ABHD17C: variants seen among roughly 807,000 people sequenced by gnomAD.
The protein encoded by ABHD17C is abhydrolase domain containing 17C, depalmitoylase.
A neutral mutation model predicts 27.9 loss-of-function variants in ABHD17C; 11 were observed. That is an observed-to-expected ratio of 0.39 (90% CI 0.25 to 0.65). The LOEUF (loss-of-function observed/expected upper bound fraction) is 0.65, where lower values mean the gene tolerates loss of function less well. Among genes scored for constraint, ABHD17C ranks in the 30% least tolerant of loss-of-function variants. The probability of loss-of-function intolerance (pLI) is 0.45; values close to 1 mark genes in which losing one functional copy is unlikely to be tolerated. For missense variants in ABHD17C, 280 were observed against 470.2 expected (o/e 0.60, Z 3.74); for synonymous variants, 233 against 209.1 (o/e 1.11, Z -0.98).
intron 1 of ABHD17C, among the ~76,000 whole-genome samples, chr15:80,743,627 G>C (rs534016737): frequency 4.6e-4 from 70 of 152,208 alleles, no homozygotes; most frequent in African/African-American, 1.7e-3. Flanking sequence ...CCATCGCCCA[G>C]ACTGGAGTGC....
chr15:80,700,849 T>G lies in ABHD17C; in HGVS notation c.590+4830T>G, dbSNP rs1378937395. On this transcript the variant is annotated intron_variant, in intron 1 of 2. Coordinates refer to ENST00000258884, the MANE Select transcript of ABHD17C (RefSeq NM_021214.2). The stretch of plus-strand genomic sequence containing the variant: ...CCCAAAGTTTGAGACTGCAGTGAGC[T>G]GTGATTGCGCCACTGCTCTCTAGCC... Among the ~76,000 whole-genome samples the G allele has an allele frequency of 4.0e-4, 61 of 152,288 alleles. 1 individual carries two copies.
At chr15:80,717,711 T>G (rs1008354342) in intron 1 of ABHD17C, among the ~76,000 whole-genome samples, 3 of 152,244 alleles carry the variant, frequency 2.0e-5, no homozygotes, top group Non-Finnish European at 1.5e-5. Flanking sequence ...ACAGTGGTTT[T>G]AAAATCTTTA....
intron 1 of ABHD17C, among the ~76,000 whole-genome samples, chr15:80,729,714 C>T (rs182340261): frequency 5.3e-5 from 8 of 152,190 alleles, no homozygotes; most frequent in Admixed American, 2.6e-4. Flanking sequence ...ATACTAGGGC[C>T]GAGGAAAGGA....
At chr15:80,742,304 C>T (rs1055955898) in intron 1 of ABHD17C, among the ~76,000 whole-genome samples, 1 of 152,082 alleles carries the variant, frequency 6.6e-6, no homozygotes, top group Admixed American at 6.6e-5. Flanking sequence ...GTGCTGCATT[C>T]CCACTTGGAG....
chr15:80,721,481 G>A (rs757426420), intron 1 of ABHD17C, among the ~76,000 whole-genome samples: 9 of 152,084 alleles, frequency 5.9e-5, no homozygotes, highest in Non-Finnish European at 1.0e-4. Flanking sequence ...TAATTGCAAA[G>A]TACTTTAATA....
chr15:80,718,170 T>A (rs540531976), intron 1 of ABHD17C, among the ~76,000 whole-genome samples: 3 of 152,190 alleles, frequency 2.0e-5, no homozygotes, highest in African/African-American at 7.2e-5. Flanking sequence ...GTCCCATGCT[T>A]TTGATCAATT....
rs114508467 is a variant in ABHD17C at position 80,701,292 on chromosome 15, T to A, written c.590+5273T>A. On this transcript the variant is annotated intron_variant, in intron 1 of 2. Coordinates refer to ENST00000258884, the MANE Select transcript of ABHD17C (RefSeq NM_021214.2). ...ATGTTGAAGTTAATAACCTAACTTC[T>A]TTGTTCTCAGTGTTCTCAGAGGGAA... Among the ~76,000 whole-genome samples the A allele has an allele frequency of 2.2e-3, 339 of 152,236 alleles. 2 individuals are homozygous for A. Among genetic ancestry groups the A allele is most frequent in the African/African-American group, 7.9e-3 (328 of 41,538 alleles).
At chr15:80,701,325 A>G (rs1894568505) in intron 1 of ABHD17C, among the ~76,000 whole-genome samples, 1 of 152,154 alleles carries the variant, frequency 6.6e-6, no homozygotes, top group African/African-American at 2.4e-5. Flanking sequence ...GAATACTATG[A>G]TGCCACTAAG....
intron 1 of ABHD17C, among the ~76,000 whole-genome samples, chr15:80,736,498 C>T (rs1434225756): frequency 6.6e-6 from 1 of 152,038 alleles, no homozygotes; most frequent in Non-Finnish European, 1.5e-5. Flanking sequence ...CATAGTCAGT[C>T]TTTTTATTCT....
At chr15:80,751,621 A>G (rs1465640197) in intron 2 of ABHD17C, among the ~76,000 whole-genome samples, 1 of 152,178 alleles carries the variant, frequency 6.6e-6, no homozygotes, top group Non-Finnish European at 1.5e-5. Context: ...AGTGGTACAC[A>G]TCTGTAGTCC....
At chr15:80,716,666 C>T (rs1894807224) in intron 1 of ABHD17C, among the ~76,000 whole-genome samples, 1 of 152,138 alleles carries the variant, frequency 6.6e-6, no homozygotes, top group Non-Finnish European at 1.5e-5. Flanking sequence ...GGTTTGTAAG[C>T]TCCATGAAGG....
At chr15:80,749,409 C>G in intron 1 of ABHD17C, 104 bp from the exon 2 acceptor site, 1 of 1,189,954 alleles carries the variant, frequency 8.4e-7, no homozygotes, top group Non-Finnish European at 1.2e-6. Context: ...TGGTTTTAAG[C>G]TGGTGGATGT....
At chr15:80,702,791 CAT>C (rs1340673991) in intron 1 of ABHD17C, 1 of 152,182 alleles carries the variant, frequency 6.6e-6, no homozygotes, top group East Asian at 1.9e-4. Flanking sequence ...AGAGTCTCAA[CAT>C]ATACAGTTAG....
chr15:80,746,858 A>G (rs1895293618), intron 1 of ABHD17C, among the ~76,000 whole-genome samples: 2 of 152,314 alleles, frequency 1.3e-5, no homozygotes, highest in East Asian at 3.9e-4. Flanking sequence ...TTTTGAAAAC[A>G]TATGTTGGAC....
intron 1 of ABHD17C, among the ~76,000 whole-genome samples, chr15:80,723,942 C>T (rs1241247676): frequency 6.6e-6 from 1 of 152,126 alleles, no homozygotes; most frequent in Non-Finnish European, 1.5e-5. Context: ...GTAGCTCGCA[C>T]CTGTAATTCC....
intron 1 of ABHD17C, among the ~76,000 whole-genome samples, chr15:80,710,499 A>G (rs1335756738): frequency 6.6e-6 from 1 of 152,214 alleles, no homozygotes; most frequent in African/African-American, 2.4e-5. Context: ...GAGGAAGGTG[A>G]GAGACCAATT....
At chr15:80,750,387 C>T (rs1405596522) in intron 2 of ABHD17C, among the ~76,000 whole-genome samples, 4 of 152,068 alleles carry the variant, frequency 2.6e-5, no homozygotes, top group Admixed American at 1.3e-4. Context: ...AAATATTTTG[C>T]CCCTTATGCT....
chr15:80,740,226 C>T (rs1341861432), intron 1 of ABHD17C, among the ~76,000 whole-genome samples: 1 of 152,090 alleles, frequency 6.6e-6, no homozygotes. Flanking sequence ...AGGACACTGC[C>T]TGTTGCTACC....
intron 1 of ABHD17C, among the ~76,000 whole-genome samples, chr15:80,712,525 T>G (rs753985974): frequency 2.0e-5 from 3 of 152,196 alleles, no homozygotes; most frequent in Non-Finnish European, 2.9e-5. Flanking sequence ...GCTTATTTTC[T>G]TAAGAGCAGC....
Sources: allele counts gnomAD v4.1 joint callset (sites outside exome capture counted in the v4.1 genomes callset), GRCh38; gene constraint gnomAD v4.1.1; transcripts MANE v1.5; gene names NCBI Gene and HGNC (gene_info 2026-07-23, HGNC 2026-07-21).